PALLD: variants seen among roughly 807,000 people sequenced by gnomAD.
The protein encoded by PALLD is palladin.
Under a neutral mutation model 123.5 loss-of-function variants are expected in PALLD, and 61 were observed. That is an observed-to-expected ratio of 0.49 (90% CI 0.40 to 0.61). PALLD has a LOEUF of 0.61. PALLD is among the 20% of genes least tolerant of loss of function. The pLI, the probability that PALLD is intolerant of heterozygous loss-of-function variation, is 0.00. For missense variants in PALLD, 1,273 were observed against 1,377.0 expected (o/e 0.92, Z 1.20); for synonymous variants, 465 against 496.4 (o/e 0.94, Z 0.84).
At chr4:168,531,825 T>C (rs1157907472) in intron 2 of PALLD, among the ~76,000 whole-genome samples, 3 of 152,122 alleles carry the variant, frequency 2.0e-5, no homozygotes, top group Non-Finnish European at 4.4e-5. Flanking sequence ...CTGAAGTAAA[T>C]CCTTTCCTGC....
At chr4:168,845,951 C>T (rs1418123430) in intron 10 of PALLD, among the ~76,000 whole-genome samples, 1 of 152,206 alleles carries the variant, frequency 6.6e-6, no homozygotes, top group Non-Finnish European at 1.5e-5. Flanking sequence ...TCAGAGGTAT[C>T]ACAGATTTCA....
chr4:168,588,817 T>C (rs879672774), intron 2 of PALLD, among the ~76,000 whole-genome samples: 6 of 150,368 alleles, frequency 4.0e-5, no homozygotes, highest in African/African-American at 1.5e-4. Flanking sequence ...TTTAAAAAAA[T>C]AGCCGTGTTC....
intron 10 of PALLD, among the ~76,000 whole-genome samples, chr4:168,768,480 T>G (rs1252625843): frequency 2.0e-5 from 3 of 152,178 alleles, no homozygotes; most frequent in African/African-American, 7.2e-5. Context: ...TTCTATTTAG[T>G]AGGTTCAGGG....
intron 10 of PALLD, among the ~76,000 whole-genome samples, chr4:168,821,421 A>C (rs527615421): frequency 6.6e-6 from 1 of 151,654 alleles, no homozygotes; most frequent in South Asian, 2.1e-4. Flanking sequence ...TTTTTTCATC[A>C]TTCATCCCCT....
intron 10 of PALLD, among the ~76,000 whole-genome samples, chr4:168,792,261 G>A (rs761419920): frequency 5.3e-5 from 8 of 151,906 alleles, no homozygotes; most frequent in Admixed American, 2.6e-4. Flanking sequence ...ACGGAGCAGA[G>A]GCTGACTCCC....
chr4:168,754,393 T>C (rs377360006), intron 10 of PALLD, among the ~76,000 whole-genome samples: 14 of 152,384 alleles, frequency 9.2e-5, no homozygotes, highest in East Asian at 7.7e-4. Flanking sequence ...GATTGATGTT[T>C]ATTCAAATGA....
chr4:168,679,495 G>T (rs1413081431), intron 3 of PALLD, among the ~76,000 whole-genome samples: 7 of 128,732 alleles, frequency 5.4e-5, no homozygotes, highest in South Asian at 2.4e-4. Flanking sequence ...GTGTGGTGGG[G>T]TGTGTGTGTT....
intron 10 of PALLD, among the ~76,000 whole-genome samples, chr4:168,783,999 C>T (rs755162243): frequency 6.6e-6 from 1 of 152,074 alleles, no homozygotes; most frequent in Non-Finnish European, 1.5e-5. Flanking sequence ...AATCCTAGCA[C>T]TCTGAGAGGC....
intron 10 of PALLD, among the ~76,000 whole-genome samples, chr4:168,715,778 A>G (rs1011657046): frequency 4.6e-5 from 7 of 152,088 alleles, no homozygotes; most frequent in South Asian, 2.1e-4. Flanking sequence ...GTGAAACCCC[A>G]TCTCTTCTAA....
intron 10 of PALLD, among the ~76,000 whole-genome samples, chr4:168,730,972 G>A (rs1441994730): frequency 6.6e-6 from 1 of 152,130 alleles, no homozygotes; most frequent in Non-Finnish European, 1.5e-5. Flanking sequence ...GAGGAGGAAT[G>A]GTTGACTACC....
rs878854267 is a variant in PALLD, at chr4:168,890,938, G to T, written c.1981G>T (p.Ala661Ser). 4.3e-6 allele frequency: 7 copies of T among 1,613,874 alleles called. No homozygotes were observed. The highest frequency in any genetic ancestry group is 1.7e-5 in the Admixed American group (1 of 59,988). The change falls in exon 11 of 22, where the codon GCC (alanine) becomes TCC (serine). Residue 661 changes from alanine to serine, a missense_variant. By Grantham distance (99) the Ala-to-Ser change is moderately conservative. Coordinates refer to ENST00000505667, the MANE Select transcript of PALLD (RefSeq NM_001166108.2). ...AKPKLGFPKK[A>S]SRTARIASDE... Reference sequence around the variant, plus strand: ...ATCCTGCAGAGGATTTCCAAAGAAGGCCAGTAGAACTGCTAGAATAGCCTC... The same window carrying T: ...ATCCTGCAGAGGATTTCCAAAGAAGTCCAGTAGAACTGCTAGAATAGCCTC...
At chr4:168,719,895 G>A (rs1785818106) in intron 10 of PALLD, among the ~76,000 whole-genome samples, 2 of 152,140 alleles carry the variant, frequency 1.3e-5, no homozygotes, top group Admixed American at 1.3e-4. Context: ...CCATGTTGCT[G>A]GGAAAGACAT....
chr4:168,690,504 G>C, intron 6 of PALLD, 99 bp from the exon 7 acceptor site: 1 of 1,448,518 alleles, frequency 6.9e-7, no homozygotes, highest in Non-Finnish European at 9.7e-7. Context: ...GTTTGTATCT[G>C]TTTTGTCTGA....
intron 10 of PALLD, among the ~76,000 whole-genome samples, chr4:168,875,354 G>A (rs1473317416): frequency 6.6e-6 from 1 of 151,952 alleles, no homozygotes; most frequent in Non-Finnish European, 1.5e-5. Context: ...TCTAAAAATA[G>A]CTTAATGAGG....
At chr4:168,602,709 A>G (rs1242947118) in intron 2 of PALLD, among the ~76,000 whole-genome samples, 3 of 152,204 alleles carry the variant, frequency 2.0e-5, no homozygotes, top group Non-Finnish European at 4.4e-5. Context: ...GTATCCACAG[A>G]ACTGCAGAAA....
At chr4:168,689,028 G>A (rs905895737) in intron 6 of PALLD, among the ~76,000 whole-genome samples, 1 of 152,142 alleles carries the variant, frequency 6.6e-6, no homozygotes, top group Admixed American at 6.5e-5. Context: ...TTTAAAACCA[G>A]AGATTTTCTC....
At chr4:168,841,132 A>G (rs1446164722) in intron 10 of PALLD, among the ~76,000 whole-genome samples, 1 of 152,176 alleles carries the variant, frequency 6.6e-6, no homozygotes, top group Non-Finnish European at 1.5e-5. Flanking sequence ...TACAGGTGTG[A>G]GCCTCTGCGC....
intron 10 of PALLD, among the ~76,000 whole-genome samples, chr4:168,780,876 C>T (rs547309649): frequency 6.6e-5 from 10 of 151,984 alleles, no homozygotes; most frequent in Non-Finnish European, 1.3e-4. Flanking sequence ...TTAGTAGAGA[C>T]GGGGTTTCGC....
intron 15 of PALLD, among the ~76,000 whole-genome samples, chr4:168,913,272 G>A (rs1456618315): frequency 6.6e-6 from 1 of 151,874 alleles, no homozygotes; most frequent in African/African-American, 2.4e-5. Context: ...AAGTAGCTGG[G>A]ACTATAGGTG....
Sources: gnomAD v4.1 joint callset for allele counts (sites outside exome capture counted in the v4.1 genomes callset) on GRCh38, gnomAD v4.1.1 for gene constraint, MANE v1.5 for transcripts, NCBI Gene and HGNC (gene_info 2026-07-23, HGNC 2026-07-21) for gene names.